Variants in FIG4 observed in about 807,000 individuals in gnomAD.
FIG4 encodes polyphosphoinositide phosphatase.
Under a neutral mutation model 118.6 loss-of-function variants are expected in FIG4, and 112 were observed. The observed-to-expected ratio is 0.94, with a 90% CI of 0.81 to 1.11. The LOEUF (loss-of-function observed/expected upper bound fraction) is 1.11, where lower values mean the gene tolerates loss of function less well. Ranked by LOEUF, FIG4 falls within the 50% of genes least tolerant of loss-of-function variation. The probability of loss-of-function intolerance (pLI) is 0.00; values close to 1 mark genes in which losing one functional copy is unlikely to be tolerated. For synonymous variants in FIG4, 369 were observed against 381.2 expected (o/e 0.97, Z 0.37); for missense variants, 969 against 1,111.7 (o/e 0.87, Z 1.83).
intron 15 of FIG4, among the ~76,000 whole-genome samples, chr6:109,767,171 A>G (rs1468165969): frequency 2.0e-5 from 3 of 151,852 alleles, no homozygotes; most frequent in Non-Finnish European, 2.9e-5. Flanking sequence ...GTCTCTTTCT[A>G]TTTTTCTGCT....
At chr6:109,773,703 AC>A (rs1777534231) in intron 15 of FIG4, among the ~76,000 whole-genome samples, 1 of 152,056 alleles carries the variant, frequency 6.6e-6, no homozygotes, top group Admixed American at 6.6e-5. Flanking sequence ...GTGAAGTCTT[AC>A]CCTGCCACCC....
In FIG4 at chr6:109,737,237, T is replaced by G. The variant is rs144614889; in HGVS notation, c.647-1088T>G. On this transcript the variant is annotated intron_variant, in intron 6 of 22. Transcript: ENST00000230124. The stretch of plus-strand genomic sequence containing the variant: ...AGAAATGGAGTGAGGGTAGAAGGTA[T>G]GAGAGTAGGTTGAAAAGGAAAACAA... Among the ~76,000 whole-genome samples, 3 of 152,252 alleles carry G rather than the reference T, an allele frequency of 2.0e-5. No homozygotes were observed. The East Asian group carries it at 5.8e-4, about 29-fold the overall frequency.
intron 3 of FIG4, among the ~76,000 whole-genome samples, chr6:109,720,231 AG>A (rs1433535239): frequency 1.3e-5 from 2 of 152,234 alleles, no homozygotes; most frequent in African/African-American, 4.8e-5. Context: ...GAGTAATAAA[AG>A]TCTATGATTT....
intron 10 of FIG4, among the ~76,000 whole-genome samples, chr6:109,752,280 A>G (rs1307926554): frequency 1.3e-5 from 2 of 151,448 alleles, no homozygotes; most frequent in East Asian, 1.9e-4. Context: ...GCTATTGTGA[A>G]TAGTGCCACA....
chr6:109,765,278 A>G, intron 14 of FIG4, 117 bp downstream of exon 14: 2 of 807,810 alleles, frequency 2.5e-6, no homozygotes, highest in Non-Finnish European at 4.1e-6. Context: ...TTATGTTGCT[A>G]GAAAACATTA....
chr6:109,791,484 G>A lies in FIG4; in HGVS notation c.2289G>A (p.Gly763=), dbSNP rs756539176. ...AVSSSSEDDS[G]TDREEEGSVS... ...CCAGCAGCTCTGAGGATGACTCTGG[G>A]ACTGATCGGGAAGAAGAGGGCTCTG... Residue 763 remains glycine, a synonymous_variant, in exon 20 of 23, where the codon GGG becomes GGA. Coordinates refer to ENST00000230124, the MANE Select transcript of FIG4 (RefSeq NM_014845.6). 1.2e-5 allele frequency: 19 copies of A among 1,614,000 alleles called. No individual in the cohort carries two copies. Among genetic ancestry groups the A allele is most frequent in the Non-Finnish European group, 1.6e-5 (19 of 1,180,040 alleles).
intron 19 of FIG4, among the ~76,000 whole-genome samples, chr6:109,790,105 C>T (rs1778096537): frequency 1.3e-5 from 2 of 152,068 alleles, no homozygotes; most frequent in African/African-American, 4.8e-5. Context: ...TTATTCAGTC[C>T]AGTAAAGAAG....
At position 109,702,849 on chromosome 6, in the gene FIG4, A is replaced by G. The variant is rs541791156; in HGVS notation, c.66+11348A>G. On this transcript the variant is annotated intron_variant, in intron 1 of 22. Coordinates refer to ENST00000230124, the MANE Select transcript of FIG4 (RefSeq NM_014845.6). ...CCCCTAGATGTAAAAATCTCTCAAC[A>G]CATTCACACCCCTTAAGTATTCTTC... 2.6e-5 allele frequency among the ~76,000 whole-genome samples: 4 copies of G among 152,266 alleles called. No individual in the cohort carries two copies. The South Asian group carries it at 8.3e-4, about 32-fold the overall frequency.
intron 1 of FIG4, 141 bp from the exon 2 acceptor site, chr6:109,714,937 G>A: frequency 3.5e-6 from 2 of 569,692 alleles, no homozygotes; most frequent in Non-Finnish European, 3.1e-6. Flanking sequence ...TCTTTAATCT[G>A]CCAGTTATAC....
At chr6:109,762,599 T>C (rs1777146062) in intron 12 of FIG4, among the ~76,000 whole-genome samples, 1 of 150,712 alleles carries the variant, frequency 6.6e-6, no homozygotes, top group South Asian at 2.2e-4. Flanking sequence ...TTTATTACTA[T>C]TTTGGGAGCT....
At chr6:109,696,559 A>G (rs1774727331) in intron 1 of FIG4, among the ~76,000 whole-genome samples, 1 of 152,244 alleles carries the variant, frequency 6.6e-6, no homozygotes, top group African/African-American at 2.4e-5. Context: ...CTATTCAGCC[A>G]GGAAAAAGAA....
intron 20 of FIG4, among the ~76,000 whole-genome samples, chr6:109,792,344 C>A (rs1413781764): frequency 6.6e-6 from 1 of 152,192 alleles, no homozygotes; most frequent in Non-Finnish European, 1.5e-5. Flanking sequence ...CTGCATTATA[C>A]AAAAACACCT....
intron 15 of FIG4, among the ~76,000 whole-genome samples, chr6:109,767,725 A>G (rs1366249919): frequency 1.3e-5 from 2 of 152,160 alleles, no homozygotes; most frequent in Admixed American, 1.3e-4. Flanking sequence ...TACAAAAATT[A>G]GCCAGGCGTG....
intron 14 of FIG4, 143 bp from the exon 15 acceptor site, chr6:109,766,586 A>G: frequency 4.2e-6 from 3 of 709,342 alleles, no homozygotes; most frequent in Non-Finnish European, 4.9e-6. Context: ...TAGCGTTTGC[A>G]TTTATTTGCA....
Position 109,783,170 on chromosome 6 carries a change from A to G in FIG4, c.1890-1800A>G, listed in dbSNP as rs1583727839. ...TGAATAGCTAATGGATGCTGGGCTT[A>G]ATACCTAGGTGATGGGATGATCTGT... On this transcript the variant is annotated intron_variant, in intron 16 of 22. Transcript: ENST00000230124. 3.3e-5 allele frequency among the ~76,000 whole-genome samples: 5 copies of G among 152,368 alleles called. No individual in the cohort carries two copies. The South Asian group carries it at 1.0e-3, about 32-fold the overall frequency.
intron 22 of FIG4, among the ~76,000 whole-genome samples, chr6:109,822,924 A>ATG (rs1164878566): frequency 1.3e-5 from 2 of 149,974 alleles, no homozygotes; most frequent in African/African-American, 5.0e-5. Flanking sequence ...ATATATATAT[A>ATG]CACCATATCT....
chr6:109,720,836 G>T (rs1775584856), intron 3 of FIG4, among the ~76,000 whole-genome samples: 1 of 152,196 alleles, frequency 6.6e-6, no homozygotes, highest in Admixed American at 6.5e-5. Context: ...ATCCAGTCCT[G>T]TAGCTGCCTG....
At chr6:109,756,572 A>G (rs922066673) in intron 10 of FIG4, among the ~76,000 whole-genome samples, 35 of 152,204 alleles carry the variant, frequency 2.3e-4, no homozygotes, top group African/African-American at 8.2e-4. Context: ...TTTCAGGTAC[A>G]CCAATCAGAG....
At chr6:109,778,384 C>T (rs1328882453) in intron 16 of FIG4, among the ~76,000 whole-genome samples, 7 of 151,268 alleles carry the variant, frequency 4.6e-5, no homozygotes, top group East Asian at 2.0e-4. Context: ...GCAGGAGAAC[C>T]GCTTGAGCCC....
Sources: allele counts gnomAD v4.1 joint callset (sites outside exome capture counted in the v4.1 genomes callset), GRCh38; gene constraint gnomAD v4.1.1; transcripts MANE v1.5; gene names NCBI Gene and HGNC (gene_info 2026-07-23, HGNC 2026-07-21).